JARID2: variants seen among roughly 807,000 people sequenced by gnomAD.
JARID2 encodes the protein protein Jumonji.
In JARID2, 21 loss-of-function variants were observed where a neutral mutation model predicts 125.6. The observed-to-expected ratio is 0.17, with a 90% confidence interval of 0.12 to 0.24. The LOEUF (loss-of-function observed/expected upper bound fraction) is 0.24, where lower values mean the gene tolerates loss of function less well. JARID2 is among the 10% of genes least tolerant of loss of function. The pLI is 1.00. For synonymous variants in JARID2, 736 were observed against 661.6 expected, an observed-to-expected ratio of 1.11 and a Z score of -1.73; for missense variants, 1,303 against 1,639.6, an observed-to-expected ratio of 0.79 and a Z score of 3.55.
chr6:15,373,390 C>A (rs1175318922), intron 1 of JARID2, among the ~76,000 whole-genome samples: 1 of 152,144 alleles, frequency 6.6e-6, no homozygotes. Flanking sequence ...TCTCTGCATT[C>A]ATTTTGTTAA....
intron 1 of JARID2, among the ~76,000 whole-genome samples, chr6:15,260,376 C>T (rs1759824401): frequency 6.6e-6 from 1 of 152,106 alleles, no homozygotes; most frequent in Non-Finnish European, 1.5e-5. Context: ...GTTAGGATTC[C>T]AAACCATTGT....
intron 1 of JARID2, among the ~76,000 whole-genome samples, chr6:15,344,236 A>G (rs1407191378): frequency 7.1e-6 from 1 of 141,176 alleles, no homozygotes; most frequent in Non-Finnish European, 1.5e-5. Context: ...TAATTCTGTT[A>G]TTTTTATTCA....
Position 15,520,362 on chromosome 6 carries a change from A to G in JARID2, c.*111A>G. On this transcript the variant is annotated 3_prime_UTR_variant, in exon 18 of 18. Coordinates refer to ENST00000341776, the MANE Select transcript of JARID2 (RefSeq NM_004973.4). The stretch of plus-strand genomic sequence containing the variant: ...TGTCTTTGCACTAGCTCTAAAGAAG[A>G]TTTTCTTCTGGTTTTAGAGAACTAA... 1.2e-6 allele frequency: 1 copy of G among 807,864 alleles called. No individual in the cohort carries two copies. Among genetic ancestry groups the G allele is most frequent in the East Asian group, 3.1e-5 (1 of 32,620 alleles). The allele number at this position is 807,864 out of a possible 1,614,324, so 50.0% of individuals were successfully genotyped here.
intron 8 of JARID2, among the ~76,000 whole-genome samples, chr6:15,501,819 C>T (rs146243620): frequency 3.9e-5 from 6 of 152,260 alleles, no homozygotes; most frequent in East Asian, 1.9e-4. Context: ...GTTGCATGCA[C>T]GTGCACACAT....
At chr6:15,376,916 GC>G (rs1764377178) in intron 2 of JARID2, among the ~76,000 whole-genome samples, 1 of 152,170 alleles carries the variant, frequency 6.6e-6, no homozygotes. Flanking sequence ...GGCTGGTGAG[GC>G]TAGGAGTAGG....
At chr6:15,470,802 G>A (rs1014147689) in intron 5 of JARID2, among the ~76,000 whole-genome samples, 1 of 152,222 alleles carries the variant, frequency 6.6e-6, no homozygotes, top group African/African-American at 2.4e-5. Context: ...TAAGGAGGAA[G>A]AACATCGCAA....
chr6:15,477,511 T>G (rs927594669), intron 5 of JARID2, among the ~76,000 whole-genome samples: 3 of 150,392 alleles, frequency 2.0e-5, no homozygotes, highest in Non-Finnish European at 4.4e-5. Context: ...TTGGTTTTTT[T>G]TTTTTTTTTT....
chr6:15,514,569 C>G (rs550558479), intron 16 of JARID2, among the ~76,000 whole-genome samples: 1 of 152,302 alleles, frequency 6.6e-6, no homozygotes, highest in Admixed American at 6.5e-5. Flanking sequence ...GCCGTCTCAC[C>G]CCGAGTCCTG....
At chr6:15,296,115 C>A (rs1761403591) in intron 1 of JARID2, among the ~76,000 whole-genome samples, 1 of 152,164 alleles carries the variant, frequency 6.6e-6, no homozygotes, top group African/African-American at 2.4e-5. Context: ...TCTTCTCAAC[C>A]CAGAAAAGAT....
At chr6:15,436,341 C>A (rs759394384) in intron 3 of JARID2, among the ~76,000 whole-genome samples, 1 of 152,162 alleles carries the variant, frequency 6.6e-6, no homozygotes, top group Non-Finnish European at 1.5e-5. Context: ...GCGGGCTGCA[C>A]GCTGGTCGAT....
At chr6:15,353,040 TG>T (rs1763483054) in intron 1 of JARID2, among the ~76,000 whole-genome samples, 1 of 152,232 alleles carries the variant, frequency 6.6e-6, no homozygotes, top group South Asian at 2.1e-4. Flanking sequence ...TGGTGTGGAC[TG>T]TTTTTCACTT....
At chr6:15,315,832 C>T (rs780135789) in intron 1 of JARID2, among the ~76,000 whole-genome samples, 23 of 152,220 alleles carry the variant, frequency 1.5e-4, no homozygotes, top group African/African-American at 4.8e-4. Flanking sequence ...CCCAGTGTGC[C>T]GTCCATACGT....
intron 1 of JARID2, among the ~76,000 whole-genome samples, chr6:15,317,450 A>G (rs1762216279): frequency 1.3e-5 from 2 of 152,174 alleles, no homozygotes; most frequent in Admixed American, 1.3e-4. Flanking sequence ...TTCAACCGAC[A>G]TTGTGGTAAG....
At chr6:15,374,433 TC>T (rs1247890897) in intron 2 of JARID2, among the ~76,000 whole-genome samples, 181 bp downstream of exon 2, 4 of 152,224 alleles carry the variant, frequency 2.6e-5, no homozygotes, top group Admixed American at 6.5e-5. Flanking sequence ...GTTTTTGTGT[TC>T]CTTTATGTAC....
intron 4 of JARID2, among the ~76,000 whole-genome samples, chr6:15,467,871 T>A (rs1159426160): frequency 1.3e-5 from 2 of 152,198 alleles, no homozygotes; most frequent in Admixed American, 6.5e-5. Flanking sequence ...TGAGAACCTT[T>A]GAGGATGAGA....
intron 1 of JARID2, among the ~76,000 whole-genome samples, chr6:15,322,967 A>T (rs1762408552): frequency 6.6e-6 from 1 of 152,250 alleles, no homozygotes; most frequent in Non-Finnish European, 1.5e-5. Context: ...GCTGTTCTGA[A>T]TTATCTGGTT....
At chr6:15,413,467 T>C (rs1765994036) in intron 3 of JARID2, among the ~76,000 whole-genome samples, 1 of 152,180 alleles carries the variant, frequency 6.6e-6, no homozygotes, top group South Asian at 2.1e-4. Context: ...AATACAGAAA[T>C]TTATTGGCTT....
chr6:15,311,806 A>G (rs1257931822), intron 1 of JARID2, among the ~76,000 whole-genome samples: 1 of 151,578 alleles, frequency 6.6e-6, no homozygotes, highest in East Asian at 1.9e-4. Context: ...CCTAAGCCCC[A>G]AAAGGGAGTT....
At chr6:15,458,571 C>CT (rs1491144069) in intron 4 of JARID2, among the ~76,000 whole-genome samples, 2 of 152,196 alleles carry the variant, frequency 1.3e-5, no homozygotes, top group Admixed American at 6.5e-5. Context: ...CTTTATTAAA[C>CT]TCTTTTTGTA....
Sources: gnomAD v4.1 joint callset for allele counts (sites outside exome capture counted in the v4.1 genomes callset) on GRCh38, gnomAD v4.1.1 for gene constraint, MANE v1.5 for transcripts, NCBI Gene and HGNC (gene_info 2026-07-23, HGNC 2026-07-21) for gene names.